SPATA17: variants seen among roughly 807,000 people sequenced by gnomAD.
SPATA17 encodes spermatogenesis associated 17, also known as spermatogenesis-associated protein 17.
SPATA17 carries 53 observed loss-of-function variants against 62.2 expected under a neutral mutation model. That is an observed-to-expected ratio of 0.85 (90% CI 0.68 to 1.07). The LOEUF is 1.07. Among genes scored for constraint, SPATA17 ranks in the 50% least tolerant of loss-of-function variants. SPATA17 has a pLI of 0.00. For synonymous variants in SPATA17, 146 were observed against 146.8 expected (o/e 0.99, Z 0.04); for missense variants, 466 against 425.5 (o/e 1.10, Z -0.84).
intron 1 of SPATA17, among the ~76,000 whole-genome samples, chr1:217,639,422 T>G (rs993808809): frequency 6.6e-6 from 1 of 152,068 alleles, no homozygotes; most frequent in African/African-American, 2.4e-5. Flanking sequence ...CCTGACGAAA[T>G]GTACTCAAGA....
intron 3 of SPATA17, among the ~76,000 whole-genome samples, chr1:217,660,039 C>T (rs1295603380): frequency 2.0e-5 from 3 of 152,174 alleles, no homozygotes; most frequent in Non-Finnish European, 2.9e-5. Flanking sequence ...TAGTCGTATT[C>T]AACCACTTGC....
intron 1 of SPATA17, among the ~76,000 whole-genome samples, chr1:217,643,759 C>A (rs949717691): frequency 2.0e-5 from 3 of 150,952 alleles, no homozygotes; most frequent in South Asian, 2.1e-4. Context: ...GATGGAGTCT[C>A]ACTCTGTTGC....
At chr1:217,827,071 A>G (rs1055367813) in intron 9 of SPATA17, among the ~76,000 whole-genome samples, 2 of 152,026 alleles carry the variant, frequency 1.3e-5, no homozygotes, top group African/African-American at 4.8e-5. Context: ...TGCTCTCTGT[A>G]TCTCATTTAA....
chr1:217,818,882 C>CTTTTTTTTTTTTTTTTTTGTTTTTT (rs34580904), intron 9 of SPATA17, among the ~76,000 whole-genome samples: 1 of 125,404 alleles, frequency 8.0e-6, no homozygotes, highest in Non-Finnish European at 1.7e-5. Context: ...TTTCATTTTC[C>CTTTTTTTTTTTTTTTTTTGTTTTTT]TTTTTTTTTT....
chr1:217,830,581 G>A (rs1427348656), intron 9 of SPATA17, among the ~76,000 whole-genome samples: 1 of 151,926 alleles, frequency 6.6e-6, no homozygotes, highest in East Asian at 1.9e-4. Context: ...TCCAAATTCT[G>A]CCTAAATGCA....
chr1:217,846,434 T>C (rs17738956), intron 9 of SPATA17, among the ~76,000 whole-genome samples: 44,066 of 151,948 alleles, frequency 0.29, 7,641 homozygotes, highest in Non-Finnish European at 0.38. Flanking sequence ...AGTGAATATA[T>C]ATTTGTCAAC....
At chr1:217,726,614 CTTCA>C (rs1282131106) in intron 5 of SPATA17, among the ~76,000 whole-genome samples, 1 of 152,060 alleles carries the variant, frequency 6.6e-6, no homozygotes, top group Non-Finnish European at 1.5e-5. Context: ...GGCAGATATT[CTTCA>C]TTCATTCAGC....
intron 7 of SPATA17, among the ~76,000 whole-genome samples, chr1:217,780,075 A>G (rs2102975566): frequency 6.6e-6 from 1 of 152,208 alleles, no homozygotes; most frequent in East Asian, 1.9e-4. Flanking sequence ...CAGCAGATCT[A>G]AAGTTTGATA....
chr1:217,860,387 A>C (rs1675874700), intron 9 of SPATA17, among the ~76,000 whole-genome samples: 1 of 152,164 alleles, frequency 6.6e-6, no homozygotes. Context: ...TTGTTGGATT[A>C]AGCAGTCTAT....
intron 6 of SPATA17, among the ~76,000 whole-genome samples, chr1:217,764,136 T>C (rs1673242599): frequency 6.6e-6 from 1 of 152,148 alleles, no homozygotes; most frequent in Admixed American, 6.5e-5. Context: ...TTCCTGATGC[T>C]GTATGTTCTA....
intron 9 of SPATA17, among the ~76,000 whole-genome samples, chr1:217,850,023 C>T (rs1192941426): frequency 6.6e-6 from 1 of 152,068 alleles, no homozygotes; most frequent in African/African-American, 2.4e-5. Flanking sequence ...CTGCTGTCTG[C>T]TGGTTTCACT....
In SPATA17 at chr1:217,766,232, GCC is replaced by G. The variant is rs931825137; in HGVS notation, c.520-8099_520-8098del. On this transcript the variant is annotated intron_variant, in intron 6 of 10. Coordinates refer to ENST00000366933, the MANE Select transcript of SPATA17 (RefSeq NM_138796.4). The stretch of plus-strand genomic sequence containing the variant: ...ATATTTGATATTGATTTTCATCTGT[GCC>G]CCTTGTTCTTTGCTTCTTATTTTGT... Among the ~76,000 whole-genome samples, 124 of 151,942 alleles carry G rather than the reference GCC, an allele frequency of 8.2e-4. 1 individual carries two copies. The highest frequency in any genetic ancestry group is 2.8e-3 in the African/African-American group (115 of 41,488).
At chr1:217,848,367 G>T (rs993122209) in intron 9 of SPATA17, among the ~76,000 whole-genome samples, 1 of 152,036 alleles carries the variant, frequency 6.6e-6, no homozygotes, top group African/African-American at 2.4e-5. Flanking sequence ...TGAGTATTTA[G>T]CTCTCTTATA....
chr1:217,723,604 A>T (rs1672192190), intron 5 of SPATA17, among the ~76,000 whole-genome samples: 1 of 152,156 alleles, frequency 6.6e-6, no homozygotes, highest in Admixed American at 6.5e-5. Context: ...CAGTACTTGA[A>T]ACATAGTGGG....
intron 3 of SPATA17, among the ~76,000 whole-genome samples, chr1:217,655,934 A>G (rs982057591): frequency 2.0e-5 from 3 of 152,206 alleles, no homozygotes; most frequent in East Asian, 3.8e-4. Flanking sequence ...GTATGGACAA[A>G]GACAGTAGAG....
intron 9 of SPATA17, among the ~76,000 whole-genome samples, chr1:217,802,606 T>C (rs1173651366): frequency 6.6e-6 from 1 of 152,048 alleles, no homozygotes; most frequent in Non-Finnish European, 1.5e-5. Context: ...GTCTTGTATC[T>C]CTCCCTGTAA....
intron 7 of SPATA17, among the ~76,000 whole-genome samples, chr1:217,780,604 T>C (rs1463932146): frequency 1.3e-5 from 2 of 152,166 alleles, no homozygotes; most frequent in Non-Finnish European, 2.9e-5. Flanking sequence ...AAGAAGACCA[T>C]TGCTCCATGT....
chr1:217,852,808 TAC>T, intron 9 of SPATA17, among the ~76,000 whole-genome samples: 1 of 152,288 alleles, frequency 6.6e-6, no homozygotes, highest in South Asian at 2.1e-4. Context: ...GTTGCATGAT[TAC>T]ACTCTCACCT....
chr1:217,715,169 T>C (rs1671973243), intron 5 of SPATA17, among the ~76,000 whole-genome samples: 1 of 152,160 alleles, frequency 6.6e-6, no homozygotes, highest in Admixed American at 6.5e-5. Flanking sequence ...CACACACACA[T>C]TACATTATAT....
Sources: gnomAD v4.1 joint callset for allele counts (sites outside exome capture counted in the v4.1 genomes callset) on GRCh38, gnomAD v4.1.1 for gene constraint, MANE v1.5 for transcripts, NCBI Gene and HGNC (gene_info 2026-07-23, HGNC 2026-07-21) for gene names.